The following CIP2A variants were observed in gnomAD, a reference collection of about 807,000 sequenced individuals.
CIP2A encodes cellular inhibitor of PP2A, also known as protein CIP2A.
CIP2A carries 103 observed loss-of-function variants against 110.9 expected under a neutral mutation model. The ratio of observed to expected loss-of-function variants is 0.93; its 90% CI spans 0.79 to 1.09. CIP2A has a LOEUF of 1.09. CIP2A is among the 50% of genes least tolerant of loss of function. The pLI, the probability that CIP2A is intolerant of heterozygous loss-of-function variation, is 0.00. For missense variants in CIP2A, 1,088 were observed against 1,038.4 expected (o/e 1.05, Z -0.66); for synonymous variants, 381 against 361.6 (o/e 1.05, Z -0.61).
chr3:108,588,335 TAGG>T (rs540266895), intron 1 of CIP2A, among the ~76,000 whole-genome samples: 2,903 of 152,144 alleles, frequency 0.019, 100 homozygotes, highest in African/African-American at 0.067. Flanking sequence ...GCACTTGAAG[TAGG>T]GAAAAGAGGA....
intron 13 of CIP2A, 105 bp downstream of exon 13, chr3:108,563,021 G>C (rs1002987981): frequency 1.3e-5 from 9 of 680,042 alleles, no homozygotes; most frequent in African/African-American, 8.9e-5. Flanking sequence ...TTACAATGAA[G>C]TCTTCAATTC....
chr3:108,568,295 T>C lies in CIP2A; in HGVS notation c.1133A>G (p.Asn378Ser). 1 of 1,611,684 alleles carries C rather than the reference T, an allele frequency of 6.2e-7. No homozygotes were observed. Residue 378 changes from asparagine to serine, a missense_variant, in exon 10 of 21, where the codon AAC becomes AGC. Asn to Ser is a conservative substitution (Grantham distance 46). Coordinates refer to ENST00000295746, the MANE Select transcript of CIP2A (RefSeq NM_020890.3). ...EIFEDVIDAA[N>S]CSSADRFVTL... is the part of the protein sequence containing the mutation. ...CACAAAACGATCAGCCGAGGAACAG[T>C]TAGCAGCATCTATGACATCCTGGAG...
Position 108,552,159 on chromosome 3 carries a change from C to T in CIP2A, c.2547+75G>A, listed in dbSNP as rs570306943. The T allele has an allele frequency of 1.9e-5, 23 of 1,214,078 alleles. No individual in the cohort carries two copies. In the South Asian group the frequency reaches 3.4e-4, roughly 18 times the overall value. The allele number at this position is 1,214,078 out of a possible 1,614,324, so 75.2% of individuals were successfully genotyped here. On this transcript the variant is annotated intron_variant, in intron 20 of 20. Transcript: ENST00000295746. ...AAATTTGCTGAAGAAACAGTACATT[C>T]CTTTATCCATATTCACCCTTTTCAC...
Position 108,569,615 on chromosome 3 carries a change from A to G in CIP2A, c.895-8T>C. 1 of 1,603,616 alleles carries G rather than the reference A, an allele frequency of 6.2e-7. No homozygotes were observed. Among genetic ancestry groups the G allele is most frequent in the South Asian group, 1.1e-5 (1 of 90,534 alleles). ...AAGAAGTAATTCTAAAACCTGTGCA[A>G]TATAAAGTGTTCATTAAACATCAAT... On this transcript the variant is annotated splice_region_variant and splice_polypyrimidine_tract_variant and intron_variant, in intron 8 of 20. Coordinates refer to ENST00000295746, the MANE Select transcript of CIP2A (RefSeq NM_020890.3).
Position 108,551,240 on chromosome 3 carries a change from T to A in CIP2A, c.2627A>T (p.Glu876Val). ...CATGTGGGAGTGTTTGTTCAATTCC[T>A]CTTGCTGAAGTTTCACCAAGGACTC... is the stretch of plus-strand genomic sequence containing the variant. ...EKESLVKLQQEELNKHSHMIA... is the reference protein window; with the variant it reads ...EKESLVKLQQVELNKHSHMIA... The change falls in exon 21 of 21, where the codon GAG becomes GTG. Residue 876 changes from glutamate to valine, a missense_variant. Physicochemically the swap from Glu to Val is moderately radical, Grantham distance 121. Coordinates refer to ENST00000295746, the MANE Select transcript of CIP2A (RefSeq NM_020890.3). 6.2e-7 allele frequency: 1 copy of A among 1,612,418 alleles called. No individual in the cohort carries two copies. Among genetic ancestry groups the A allele is most frequent in the Non-Finnish European group, 8.5e-7 (1 of 1,178,822 alleles).
chr3:108,586,190 T>C (rs1231904964), intron 1 of CIP2A, among the ~76,000 whole-genome samples: 1 of 152,160 alleles, frequency 6.6e-6, no homozygotes, highest in Non-Finnish European at 1.5e-5. Flanking sequence ...CCCACATCAG[T>C]TTTTCTTCTA....
At chr3:108,567,992 A>G (rs1428376803) in intron 10 of CIP2A, among the ~76,000 whole-genome samples, 163 bp downstream of exon 10, 4 of 152,038 alleles carry the variant, frequency 2.6e-5, no homozygotes, top group African/African-American at 7.2e-5. Flanking sequence ...TTTTTCACTC[A>G]TTGAGAATTT....
At chr3:108,558,818 C>CA (rs1479674129) in intron 16 of CIP2A, among the ~76,000 whole-genome samples, 1 of 152,112 alleles carries the variant, frequency 6.6e-6, no homozygotes, top group East Asian at 1.9e-4. Flanking sequence ...TCAGAAAAAG[C>CA]AAAGTGGCCT....
At chr3:108,556,777 T>C (rs1235622015) in intron 17 of CIP2A, among the ~76,000 whole-genome samples, 2 of 152,170 alleles carry the variant, frequency 1.3e-5, no homozygotes, top group Admixed American at 6.6e-5. Flanking sequence ...CAGAATGATA[T>C]GAAATTGCCA....
intron 14 of CIP2A, among the ~76,000 whole-genome samples, 163 bp downstream of exon 14, chr3:108,560,486 T>C (rs897194218): frequency 2.6e-5 from 4 of 152,208 alleles, no homozygotes; most frequent in African/African-American, 9.6e-5. Flanking sequence ...TGTTGAAATT[T>C]TGACTGATTT....
chr3:108,563,698 A>C (rs898414460), intron 12 of CIP2A, among the ~76,000 whole-genome samples: 1 of 152,112 alleles, frequency 6.6e-6, no homozygotes, highest in Non-Finnish European at 1.5e-5. Context: ...CAGTTACTTC[A>C]ATCATTTATG....
chr3:108,556,110 A>C, intron 17 of CIP2A, among the ~76,000 whole-genome samples: 1 of 152,264 alleles, frequency 6.6e-6, no homozygotes, highest in Middle Eastern at 3.4e-3. Flanking sequence ...GTGGTGCCTC[A>C]AACAATCAGA....
intron 12 of CIP2A, 143 bp downstream of exon 12, chr3:108,565,212 C>T: frequency 1.9e-6 from 1 of 537,466 alleles, no homozygotes; most frequent in Non-Finnish European, 3.3e-6. Context: ...ATTATAACTG[C>T]TTAAGACAAC....
intron 18 of CIP2A, 117 bp downstream of exon 18, chr3:108,554,259 C>A: frequency 1.8e-6 from 1 of 551,378 alleles, no homozygotes; most frequent in South Asian, 2.6e-5. Context: ...TATCTTATAT[C>A]TAAAATAAGT....
intron 1 of CIP2A, chr3:108,585,701 G>A (rs759020065): frequency 6.6e-6 from 3 of 456,438 alleles, no homozygotes; most frequent in Non-Finnish European, 1.3e-5. Flanking sequence ...AGCCCAGAGG[G>A]TAGTTATGGG....
intron 8 of CIP2A, among the ~76,000 whole-genome samples, chr3:108,575,439 C>A (rs559785329): frequency 2.1e-5 from 3 of 146,142 alleles, no homozygotes; most frequent in East Asian, 2.1e-4. Flanking sequence ...CATACACATA[C>A]ATATATACAT....
chr3:108,554,107 G>A (rs200497281), intron 18 of CIP2A, among the ~76,000 whole-genome samples: 2 of 151,714 alleles, frequency 1.3e-5, no homozygotes, highest in Non-Finnish European at 2.9e-5. Context: ...TGTTGGCCAC[G>A]CTGGTCTCAA....
At chr3:108,558,604 GT>G (rs1354740786) in intron 16 of CIP2A, among the ~76,000 whole-genome samples, 2 of 152,132 alleles carry the variant, frequency 1.3e-5, no homozygotes, top group African/African-American at 2.4e-5. Context: ...TTTGAAAAAT[GT>G]TATTAAGAGA....
At chr3:108,556,184 T>C (rs1243316068) in intron 17 of CIP2A, among the ~76,000 whole-genome samples, 9 of 152,188 alleles carry the variant, frequency 5.9e-5, no homozygotes, top group Admixed American at 4.6e-4. Flanking sequence ...ATTTTCTAGA[T>C]ACTATTCATT....
Sources: allele counts gnomAD v4.1 joint callset (sites outside exome capture counted in the v4.1 genomes callset), GRCh38; gene constraint gnomAD v4.1.1; transcripts MANE v1.5; gene names NCBI Gene and HGNC (gene_info 2026-07-23, HGNC 2026-07-21).